Variants in ZNF608 observed in about 807,000 individuals in gnomAD.
ZNF608 encodes the protein zinc finger protein 608, also known as renal carcinoma antigen NY-REN-36.
A neutral mutation model predicts 109.0 loss-of-function variants in ZNF608; 12 were observed. The observed-to-expected ratio is 0.11, with a 90% CI of 0.07 to 0.18. The LOEUF (loss-of-function observed/expected upper bound fraction) is 0.18, where lower values mean the gene tolerates loss of function less well. Ranked by LOEUF, ZNF608 falls within the 10% of genes least tolerant of loss-of-function variation. The pLI is 1.00. For synonymous variants in ZNF608, 732 were observed against 717.4 expected (o/e 1.02, Z -0.33); for missense variants, 1,707 against 1,879.3 (o/e 0.91, Z 1.70).
chr5:124,744,364 T>A lies in ZNF608; in HGVS notation c.626A>T (p.Lys209Ile). ...RGAKRDKDAGKSRKDKHDLLQ... is the reference protein window; with the variant it reads ...RGAKRDKDAGISRKDKHDLLQ... ...CAGGTCGTGCTTGTCCTTCCTGGAT[T>A]TCCCCGCATCCTTATCCCGCTTGGC... The change falls in exon 2 of 10, where the codon AAA becomes ATA. Residue 209 changes from lysine (K) to isoleucine (I), a missense_variant. Lys to Ile is a moderately radical substitution (Grantham distance 102). Around this residue, in one of 7 missense-constraint regions of ZNF608, gnomAD observed 407 missense variants for 398.7 expected, o/e 1.02. Transcript: ENST00000513986. This position sits in a 1 kb window ranked among gnomAD's most constrained non-coding sequence, Gnocchi z 4.5. 2 of 1,614,242 alleles carry A rather than the reference T, an allele frequency of 1.2e-6. No individual in the cohort carries two copies. Among genetic ancestry groups the A allele is most frequent in the Non-Finnish European group, 1.7e-6 (2 of 1,180,038 alleles).
At chr5:124,698,228 T>C (rs906314643) in intron 3 of ZNF608, among the ~76,000 whole-genome samples, 2 of 152,240 alleles carry the variant, frequency 1.3e-5, no homozygotes, top group Non-Finnish European at 2.9e-5. Flanking sequence ...AAAAAATTAA[T>C]GGTCAAGTGG....
intron 8 of ZNF608, 76 bp from the exon 9 acceptor site, chr5:124,639,290 C>T (rs1239701805): frequency 2.2e-5 from 28 of 1,273,790 alleles, no homozygotes; most frequent in Non-Finnish European, 3.1e-5. Context: ...GGAGAAGGGC[C>T]GCAGACCTAG....
intron 2 of ZNF608, among the ~76,000 whole-genome samples, chr5:124,716,336 A>T (rs1753705357): frequency 8.6e-6 from 1 of 116,896 alleles, no homozygotes; most frequent in Admixed American, 7.7e-5. Context: ...TTCATTTAAT[A>T]AAAAAAAAAA....
chr5:124,658,829 T>C (rs1751122215), intron 3 of ZNF608, among the ~76,000 whole-genome samples: 3 of 152,228 alleles, frequency 2.0e-5, no homozygotes, highest in African/African-American at 7.2e-5. Context: ...TTTTTCTTCT[T>C]TTAAATAAAA....
chr5:124,694,859 C>T (rs777776806), intron 3 of ZNF608, among the ~76,000 whole-genome samples: 2 of 151,908 alleles, frequency 1.3e-5, no homozygotes, highest in African/African-American at 4.8e-5. Flanking sequence ...CTCAGAATGA[C>T]GGGAACCATC....
Position 124,647,072 on chromosome 5 carries a change from C to T in ZNF608, c.3312G>A (p.Gln1104=). The change falls in exon 5 of 10, where the codon CAG becomes CAA. Residue 1104 remains glutamine (Q), a synonymous_variant. Transcript: ENST00000513986. ...TCTGGTCCTCATAGTACTTCTCATA[C>T]TGCTGTCTATAGGCAGGGCTGGTGG... ...LMATSPAYRQ[Q]YEKYYEDQRL... 1 of 1,614,134 alleles carries T rather than the reference C, an allele frequency of 6.2e-7. No individual in the cohort carries two copies. Among genetic ancestry groups the T allele is most frequent in the Non-Finnish European group, 8.5e-7 (1 of 1,179,982 alleles).
chr5:124,672,355 A>G (rs1751764603), intron 3 of ZNF608, among the ~76,000 whole-genome samples: 1 of 152,190 alleles, frequency 6.6e-6, no homozygotes, highest in Admixed American at 6.5e-5. Flanking sequence ...AGAGTTGAAA[A>G]CCACTGGCCT....
At chr5:124,716,412 A>G (rs1413286702) in intron 2 of ZNF608, among the ~76,000 whole-genome samples, 1 of 152,058 alleles carries the variant, frequency 6.6e-6, no homozygotes, top group Non-Finnish European at 1.5e-5. Context: ...TTGTTCATCA[A>G]TGTTAATACT....
chr5:124,672,073 T>A lies in ZNF608; in HGVS notation c.1163-22376A>T, dbSNP rs184209160. 1.1e-4 allele frequency among the ~76,000 whole-genome samples: 16 copies of A among 152,350 alleles called. No individual in the cohort carries two copies. The East Asian group carries it at 2.9e-3, about 28-fold the overall frequency. On this transcript the variant is annotated intron_variant, in intron 3 of 9. Coordinates refer to ENST00000513986, the MANE Select transcript of ZNF608 (RefSeq NM_020747.3). ...AAAACATTTTTAAAAAGTCATTCTT[T>A]CCCTAAGAATTCTACCGAGTAATAC...
intron 3 of ZNF608, among the ~76,000 whole-genome samples, chr5:124,691,104 A>G (rs773441693): frequency 2.0e-5 from 3 of 152,088 alleles, no homozygotes; most frequent in Non-Finnish European, 2.9e-5. Context: ...CCCGCACAAC[A>G]TAGTGAGACC....
intron 7 of ZNF608, among the ~76,000 whole-genome samples, chr5:124,642,163 A>G (rs1009681329): frequency 6.6e-6 from 1 of 152,226 alleles, no homozygotes; most frequent in Non-Finnish European, 1.5e-5. Context: ...TGCAGATACT[A>G]TTATTTTAAT....
chr5:124,728,195 T>C (rs1379887000), intron 2 of ZNF608, among the ~76,000 whole-genome samples: 1 of 152,158 alleles, frequency 6.6e-6, no homozygotes, highest in Non-Finnish European at 1.5e-5. Context: ...TTGAATTCCA[T>C]ACCTTGGTCT....
rs1248113417 is a variant in ZNF608 at position 124,644,246 on chromosome 5, G to T, written c.4121C>A (p.Pro1374His). ...AVSPVLMHSYPGAYLSPGFHY... is the reference protein window; with the variant it reads ...AVSPVLMHSYHGAYLSPGFHY... ...TAGTCAGAACCGACAACACGTACCA[G>T]GATAACTGTGCATTAGGACGGGAGA... The change falls in exon 6 of 10, where the codon CCT (proline) becomes CAT (histidine). Residue 1374 changes from proline (P) to histidine (H), a missense_variant and splice_region_variant. Physicochemically the swap from Pro to His is moderately conservative, Grantham distance 77. Around this residue, in one of 7 missense-constraint regions of ZNF608, gnomAD observed 1,073 missense variants for 1,133.5 expected, o/e 0.95. Transcript: ENST00000513986. 39 of 1,604,698 alleles carry T rather than the reference G, an allele frequency of 2.4e-5. No homozygotes were observed. The highest frequency in any genetic ancestry group is 3.2e-5 in the Non-Finnish European group (38 of 1,172,728).
chr5:124,686,730 G>A (rs561507453), intron 3 of ZNF608, among the ~76,000 whole-genome samples: 1 of 152,312 alleles, frequency 6.6e-6, no homozygotes, highest in South Asian at 2.1e-4. Flanking sequence ...TTCTCAGTCA[G>A]CTCTGTCAAC....
chr5:124,721,629 A>G (rs888912750), intron 2 of ZNF608, among the ~76,000 whole-genome samples: 2 of 152,078 alleles, frequency 1.3e-5, no homozygotes, highest in African/African-American at 4.8e-5. Flanking sequence ...CTGTTGCCCA[A>G]GGGTCATAAA....
At chr5:124,651,887 C>T (rs192078244) in intron 3 of ZNF608, among the ~76,000 whole-genome samples, 2 of 152,350 alleles carry the variant, frequency 1.3e-5, no homozygotes, top group Non-Finnish European at 2.9e-5. Flanking sequence ...TAGAGGGCCG[C>T]CTGCGCTGCT....
In ZNF608 at chr5:124,744,556, T is replaced by C. The variant is rs751477173; in HGVS notation, c.434A>G (p.Glu145Gly). 1.2e-6 allele frequency: 2 copies of C among 1,614,210 alleles called. No individual in the cohort carries two copies. The highest frequency in any genetic ancestry group is 1.7e-6 in the Non-Finnish European group (2 of 1,180,038). Residue 145 changes from glutamate (E) to glycine (G), a missense_variant, in exon 2 of 10, where the codon GAG becomes GGG. Physicochemically the swap from Glu to Gly is moderately conservative, Grantham distance 98. Coordinates refer to ENST00000513986, the MANE Select transcript of ZNF608 (RefSeq NM_020747.3). This position sits in a 1 kb window ranked among gnomAD's most constrained non-coding sequence, Gnocchi z 4.5. ...KRQEVQGRPG[E>G]ATGMNSALGQ... ...CAGCGCTGAATTCATGCCAGTTGCCTCTCCAGGGCGCCCTTGGACTTCCTG... is the reference window on the plus strand; with the variant it reads ...CAGCGCTGAATTCATGCCAGTTGCCCCTCCAGGGCGCCCTTGGACTTCCTG...
chr5:124,681,573 C>T (rs1349930377), intron 3 of ZNF608, among the ~76,000 whole-genome samples: 1 of 152,108 alleles, frequency 6.6e-6, no homozygotes, highest in Non-Finnish European at 1.5e-5. Context: ...GATCCCATCT[C>T]TACAAAAAAT....
chr5:124,663,233 C>T (rs576351494), intron 3 of ZNF608, among the ~76,000 whole-genome samples: 2 of 152,294 alleles, frequency 1.3e-5, no homozygotes, highest in South Asian at 4.1e-4. Context: ...GGTCCAAAGG[C>T]TTTCCGGTTT....
Sources: allele counts gnomAD v4.1 joint callset (sites outside exome capture counted in the v4.1 genomes callset), GRCh38; gene constraint gnomAD v4.1.1; regional missense constraint gnomAD v4.1.1; non-coding constraint Gnocchi (gnomAD v3.1); transcripts MANE v1.5; gene names NCBI Gene and HGNC (gene_info 2026-07-23, HGNC 2026-07-21).